Variants in THTPA observed in about 807,000 individuals in gnomAD.
The protein encoded by THTPA is thiamine triphosphatase.
THTPA carries 16 observed loss-of-function variants against 16.5 expected under a neutral mutation model. The ratio of observed to expected loss-of-function variants is 0.97; its 90% CI spans 0.66 to 1.47. THTPA has a LOEUF of 1.47. Ranked by LOEUF, THTPA falls within the 40% of genes most tolerant of loss-of-function variation. THTPA has a pLI of 0.00. For synonymous variants in THTPA, 110 were observed against 115.5 expected, an observed-to-expected ratio of 0.95 and a Z score of 0.30; for missense variants, 281 against 280.9, an observed-to-expected ratio of 1.00 and a Z score of 0.00.
At chr14:23,515,584 G>A in the THTPA span, among the ~76,000 whole-genome samples, 1 of 152,172 alleles carries the variant, frequency 6.6e-6, no homozygotes, top group Non-Finnish European at 1.5e-5. Flanking sequence ...CAGAAAACTA[G>A]ACCTTGAGCC....
chr14:23,523,353 C>T, the THTPA span: 1 of 1,470,294 alleles, frequency 6.8e-7, no homozygotes, highest in Non-Finnish European at 9.0e-7. This position sits in a 1 kb window ranked among gnomAD's most constrained non-coding sequence, Gnocchi z 4.1. Context: ...GCTGGGGGAG[C>T]CTCAGGTGCT....
At chr14:23,537,266 A>G in the THTPA span, among the ~76,000 whole-genome samples, 1 of 151,114 alleles carries the variant, frequency 6.6e-6, no homozygotes, top group African/African-American at 2.4e-5. Context: ...TCCCCCTCAA[A>G]CTCACCAATT....
upstream of THTPA, chr14:23,555,838 G>C (rs1882321266): frequency 6.6e-6 from 1 of 152,412 alleles, no homozygotes; most frequent in African/African-American, 2.4e-5. Flanking sequence ...CGGGACTGGG[G>C]CTTGAGCTCC....
the THTPA span, chr14:23,522,595 A>T: frequency 1.2e-5 from 19 of 1,529,378 alleles, no homozygotes; most frequent in Non-Finnish European, 1.7e-5. Flanking sequence ...GCTGGGGGCC[A>T]AAGACAGCTG....
the THTPA span, chr14:23,522,185 G>A: frequency 6.7e-7 from 1 of 1,492,358 alleles, no homozygotes; most frequent in Non-Finnish European, 8.9e-7. Context: ...CACCTCACAT[G>A]CCAGGCAGTG....
chr14:23,522,137 C>T, the THTPA span: 109 of 1,525,278 alleles, frequency 7.1e-5, no homozygotes, highest in Non-Finnish European at 9.4e-5. Context: ...GGCCGAGGAG[C>T]GCAGGTGGGA....
chr14:23,529,987 T>C, the THTPA span: 1 of 1,049,418 alleles, frequency 9.5e-7, no homozygotes, highest in Non-Finnish European at 1.4e-6. Flanking sequence ...CAGCCTCCCT[T>C]CCCCCTGATG....
chr14:23,512,050 A>G, the THTPA span, among the ~76,000 whole-genome samples: 1 of 151,294 alleles, frequency 6.6e-6, no homozygotes, highest in Non-Finnish European at 1.5e-5. Flanking sequence ...CTCCTCCCCC[A>G]TCCCAATCTC....
At chr14:23,532,779 C>A in the THTPA span, 2 of 1,536,342 alleles carry the variant, frequency 1.3e-6, no homozygotes, top group South Asian at 2.4e-5. Context: ...TACTTCTGAG[C>A]ATGTTTGTCA....
the THTPA span, chr14:23,526,973 C>A: frequency 6.6e-7 from 1 of 1,508,110 alleles, no homozygotes; most frequent in Non-Finnish European, 8.8e-7. Context: ...ACAGTTGTAG[C>A]CTGCAATGAG....
chr14:23,551,894 A>C (rs1360643605), upstream of THTPA, among the ~76,000 whole-genome samples: 1 of 152,148 alleles, frequency 6.6e-6, no homozygotes, highest in African/African-American at 2.4e-5. The surrounding 1 kb of genome is among the most constrained non-coding windows in gnomAD (Gnocchi z 5.3). Context: ...GGCCGGGGGC[A>C]GGCCGGCCAG....
chr14:23,541,330 C>T, the THTPA span, among the ~76,000 whole-genome samples: 1 of 150,744 alleles, frequency 6.6e-6, no homozygotes, highest in Non-Finnish European at 1.5e-5. Flanking sequence ...CTCTTGTTGC[C>T]CAGGCTGGAG....
the THTPA span, chr14:23,530,599 G>A: frequency 7.8e-6 from 3 of 384,210 alleles, no homozygotes; most frequent in African/African-American, 4.2e-5. Flanking sequence ...AGCAGGAAGT[G>A]GCAGGTCTAG....
At chr14:23,551,043 G>C (rs542865441), upstream of THTPA, among the ~76,000 whole-genome samples, 1 of 152,074 alleles carries the variant, frequency 6.6e-6, no homozygotes, top group South Asian at 2.1e-4. This position sits in a 1 kb window ranked among gnomAD's most constrained non-coding sequence, Gnocchi z 5.3. Flanking sequence ...CTGTCCGGCG[G>C]GCCTCTGCCT....
the THTPA span, chr14:23,530,668 G>A: frequency 5.8e-6 from 2 of 343,058 alleles, no homozygotes; most frequent in Middle Eastern, 8.7e-4. Flanking sequence ...ATTTATTTTC[G>A]GTGGCAGCCT....
At chr14:23,522,309 T>C in the THTPA span, 1 of 1,523,094 alleles carries the variant, frequency 6.6e-7, no homozygotes, top group Non-Finnish European at 8.8e-7. Context: ...TCAAATGCCA[T>C]CTTGCACTGG....
chr14:23,544,818 C>T, the THTPA span, among the ~76,000 whole-genome samples: 13 of 152,182 alleles, frequency 8.5e-5, no homozygotes, highest in African/African-American at 2.9e-4. Flanking sequence ...GCCCTGGCCA[C>T]GTTCTTTCCC....
At chr14:23,512,008 C>T in the THTPA span, 1 of 152,468 alleles carries the variant, frequency 6.6e-6, no homozygotes, top group Non-Finnish European at 1.5e-5. Flanking sequence ...TTTCCCTCCC[C>T]GCTGTTCTTC....
At chr14:23,549,669 G>A in the THTPA span, among the ~76,000 whole-genome samples, 266 of 152,318 alleles carry the variant, frequency 1.7e-3, 1 homozygote, top group Non-Finnish European at 2.9e-3. Flanking sequence ...ACCAGGCAGG[G>A]TGGAGCTTAG....
Sources: gnomAD v4.1 joint callset for allele counts (sites outside exome capture counted in the v4.1 genomes callset) on GRCh38, gnomAD v4.1.1 for gene constraint, Gnocchi (gnomAD v3.1) non-coding constraint, MANE v1.5 for transcripts, NCBI Gene and HGNC (gene_info 2026-07-23, HGNC 2026-07-21) for gene names.